The following CDA variants were observed in gnomAD, a reference collection of about 807,000 sequenced individuals.
The protein encoded by CDA is cytidine deaminase.
CDA carries 7 observed loss-of-function variants against 15.0 expected under a neutral mutation model. The ratio of observed to expected loss-of-function variants is 0.47; its 90% confidence interval spans 0.26 to 0.87. CDA has a LOEUF of 0.87. Ranked by LOEUF, CDA falls within the 40% of genes least tolerant of loss-of-function variation. CDA has a pLI of 0.15. For synonymous variants in CDA, 58 were observed against 73.0 expected (o/e 0.79, Z 1.05); for missense variants, 159 against 182.7 (o/e 0.87, Z 0.75).
At chr1:20,601,898 G>C (rs1363412239) in intron 1 of CDA, among the ~76,000 whole-genome samples, 1 of 152,102 alleles carries the variant, frequency 6.6e-6, no homozygotes, top group East Asian at 1.9e-4. Flanking sequence ...AGAGGCCAAG[G>C]TAGGTGGATC....
At chr1:20,592,961 C>G (rs1012731819) in intron 1 of CDA, among the ~76,000 whole-genome samples, 7 of 152,018 alleles carry the variant, frequency 4.6e-5, no homozygotes, top group Non-Finnish European at 1.0e-4. Context: ...GATGTGGTGG[C>G]GTGCATCTGT....
At position 20,589,997 on chromosome 1, in the gene CDA, T is replaced by C. The variant is rs556124074; in HGVS notation, c.154+714T>C. The stretch of plus-strand genomic sequence containing the variant: ...TCTGTTCCTAAACTCTTTTCTTTGA[T>C]TTATTGCTTTTGTAGAAAAGTTCAT... On this transcript the variant is annotated intron_variant, in intron 1 of 3. Transcript: ENST00000375071. Among the ~76,000 whole-genome samples the C allele has an allele frequency of 1.8e-4, 28 of 152,344 alleles. No homozygotes were observed. In the South Asian group the frequency reaches 5.6e-3, roughly 30 times the overall value.
At chr1:20,592,345 C>T (rs1184828128) in intron 1 of CDA, among the ~76,000 whole-genome samples, 2 of 152,124 alleles carry the variant, frequency 1.3e-5, no homozygotes, top group Non-Finnish European at 2.9e-5. Context: ...AAGCATTCAG[C>T]GCATTTTCTG....
chr1:20,591,006 G>C (rs1557544380), intron 1 of CDA, among the ~76,000 whole-genome samples: 1 of 152,124 alleles, frequency 6.6e-6, no homozygotes, highest in African/African-American at 2.4e-5. Context: ...CCAGAGCCAG[G>C]GGACCCCCAT....
intron 2 of CDA, 117 bp downstream of exon 2, chr1:20,605,156 G>A: frequency 1.3e-6 from 1 of 744,854 alleles, no homozygotes; most frequent in South Asian, 1.5e-5. Flanking sequence ...GACTTCCTAT[G>A]TGCCAGGCAC....
chr1:20,609,717 G>A (rs2052729456), intron 2 of CDA, among the ~76,000 whole-genome samples: 1 of 152,174 alleles, frequency 6.6e-6, no homozygotes, highest in Non-Finnish European at 1.5e-5. Flanking sequence ...GCCTGACATA[G>A]AGAAGGATTT....
intron 1 of CDA, among the ~76,000 whole-genome samples, chr1:20,589,639 CA>C (rs2052530564): frequency 1.3e-5 from 2 of 152,162 alleles, no homozygotes; most frequent in Non-Finnish European, 2.9e-5. Context: ...GAGGCTTCCA[CA>C]ACACTAAGTC....
chr1:20,609,451 A>C (rs963368923), intron 2 of CDA, among the ~76,000 whole-genome samples: 2 of 152,036 alleles, frequency 1.3e-5, no homozygotes, highest in Non-Finnish European at 2.9e-5. Flanking sequence ...GCGCCACTGC[A>C]CTCCAGCCTG....
intron 1 of CDA, among the ~76,000 whole-genome samples, chr1:20,594,201 G>C (rs952031039): frequency 6.6e-6 from 1 of 152,210 alleles, no homozygotes; most frequent in Non-Finnish European, 1.5e-5. Context: ...CTGCAAAGAC[G>C]GCCTTGCTAT....
intron 2 of CDA, among the ~76,000 whole-genome samples, chr1:20,609,678 T>C (rs182691413): frequency 4.2e-4 from 64 of 152,280 alleles, no homozygotes; most frequent in African/African-American, 1.4e-3. Context: ...AATTGTCCGA[T>C]TGGTCTTTGT....
At chr1:20,614,590 TTTTGAGCATGACA>T (rs1354585503) in intron 3 of CDA, among the ~76,000 whole-genome samples, 1 of 152,182 alleles carries the variant, frequency 6.6e-6, no homozygotes. Flanking sequence ...AAGGCCCTCT[TTTTGAGCATGACA>T]TTTGAGCAGA....
chr1:20,594,779 A>G (rs2052577810), intron 1 of CDA, among the ~76,000 whole-genome samples: 1 of 135,360 alleles, frequency 7.4e-6, no homozygotes, highest in Non-Finnish European at 1.6e-5. Context: ...ACAGAGCGAG[A>G]CGCCATCTCA....
At chr1:20,612,820 G>C (rs1265647976) in intron 2 of CDA, among the ~76,000 whole-genome samples, 1 of 151,560 alleles carries the variant, frequency 6.6e-6, no homozygotes, top group African/African-American at 2.4e-5. Context: ...GTGCATGCCT[G>C]TAATCCCAGC....
At chr1:20,601,382 T>C (rs2052642535) in intron 1 of CDA, among the ~76,000 whole-genome samples, 1 of 152,192 alleles carries the variant, frequency 6.6e-6, no homozygotes, top group South Asian at 2.1e-4. Flanking sequence ...TTGAACTACA[T>C]GCTGGGGAAT....
chr1:20,602,621 C>A (rs770253173), intron 1 of CDA, among the ~76,000 whole-genome samples: 20 of 152,068 alleles, frequency 1.3e-4, no homozygotes, highest in Non-Finnish European at 2.8e-4. Context: ...AGGGTTTCAC[C>A]ATATTGGCCA....
chr1:20,604,995 C>T lies in CDA; in HGVS notation c.222C>T (p.Ala74=), dbSNP rs781623943. Residue 74 remains alanine, a synonymous_variant, in exon 2 of 4, where the codon GCC becomes GCT. Transcript: ENST00000375071. ...CTGAACGGACCGCTATCCAGAAGGC[C>T]GTCTCAGAAGGGTACAAGGATTTCA... ...ICAERTAIQK[A]VSEGYKDFRA... is the part of the protein sequence containing the mutation. The T allele has an allele frequency of 6.8e-6, 11 of 1,613,884 alleles. No individual in the cohort carries two copies. Among genetic ancestry groups the T allele is most frequent in the Admixed American group, 1.7e-5 (1 of 59,996 alleles).
At chr1:20,608,646 G>A (rs1334673577) in intron 2 of CDA, among the ~76,000 whole-genome samples, 1 of 152,210 alleles carries the variant, frequency 6.6e-6, no homozygotes, top group Non-Finnish European at 1.5e-5. Flanking sequence ...CTGGCCTCAA[G>A]TGATCTGCCC....
At chr1:20,609,512 C>T (rs574528803) in intron 2 of CDA, among the ~76,000 whole-genome samples, 119 of 152,190 alleles carry the variant, frequency 7.8e-4, no homozygotes, top group Non-Finnish European at 1.4e-3. Context: ...AGAAAGGAAG[C>T]GGTGAGCTCA....
intron 1 of CDA, among the ~76,000 whole-genome samples, chr1:20,602,685 G>C (rs776490552): frequency 6.6e-6 from 1 of 151,946 alleles, no homozygotes; most frequent in East Asian, 1.9e-4. Context: ...CTCCCAAAGT[G>C]CTGGGATTAT....
Sources: allele counts gnomAD v4.1 joint callset (sites outside exome capture counted in the v4.1 genomes callset), GRCh38; gene constraint gnomAD v4.1.1; transcripts MANE v1.5; gene names NCBI Gene and HGNC (gene_info 2026-07-23, HGNC 2026-07-21).